The following ATP10B variants were observed in gnomAD, a reference collection of about 807,000 sequenced individuals.
The protein encoded by ATP10B is phospholipid-transporting ATPase VB.
A neutral mutation model predicts 141.2 loss-of-function variants in ATP10B; 122 were observed. The observed-to-expected ratio is 0.86, with a 90% CI of 0.75 to 1.00. The LOEUF (loss-of-function observed/expected upper bound fraction) is 1.00. Ranked by LOEUF, ATP10B falls within the 50% of genes least tolerant of loss-of-function variation. The pLI, the probability that ATP10B is intolerant of heterozygous loss-of-function variation, is 0.00. For synonymous variants in ATP10B, 685 were observed against 692.0 expected (o/e 0.99, Z 0.16); for missense variants, 1,876 against 1,825.3 (o/e 1.03, Z -0.51).
At chr5:160,752,910 C>T (rs933558631) in intron 2 of ATP10B, among the ~76,000 whole-genome samples, 3 of 152,106 alleles carry the variant, frequency 2.0e-5, no homozygotes, top group African/African-American at 4.8e-5. Context: ...GATAGCCAAA[C>T]TTTACTAGCT....
chr5:160,721,035 ATGTG>A (rs929244909), intron 2 of ATP10B, among the ~76,000 whole-genome samples: 4 of 151,570 alleles, frequency 2.6e-5, no homozygotes, highest in South Asian at 4.2e-4. Flanking sequence ...GTATGTGCAT[ATGTG>A]TGTGTGTGTG....
intron 1 of ATP10B, among the ~76,000 whole-genome samples, chr5:160,802,194 G>A (rs1772420308): frequency 6.6e-6 from 1 of 152,168 alleles, no homozygotes; most frequent in Admixed American, 6.5e-5. Flanking sequence ...GGGCATAAAA[G>A]CCTAACATAA....
At chr5:160,592,668 A>T (rs551149191) in intron 22 of ATP10B, among the ~76,000 whole-genome samples, 1 of 152,362 alleles carries the variant, frequency 6.6e-6, no homozygotes, top group Admixed American at 6.5e-5. Flanking sequence ...AGTCAAAGAA[A>T]GGGGTGACAG....
chr5:160,920,053 G>A, the ATP10B span, among the ~76,000 whole-genome samples: 2 of 152,242 alleles, frequency 1.3e-5, no homozygotes, highest in African/African-American at 2.4e-5. Flanking sequence ...GTACTGAGAT[G>A]CTTAAAGCAA....
chr5:160,915,532 G>A, the ATP10B span, among the ~76,000 whole-genome samples: 15 of 152,132 alleles, frequency 9.9e-5, no homozygotes, highest in South Asian at 6.2e-4. Context: ...GGGTTTTACC[G>A]TGTTGGCCAG....
At chr5:160,610,000 C>G (rs72816400) in intron 18 of ATP10B, among the ~76,000 whole-genome samples, 3,479 of 152,222 alleles carry the variant, frequency 0.023, 68 homozygotes, top group Non-Finnish European at 0.031. Context: ...ACAATAATTA[C>G]CATTCACTGA....
chr5:160,704,042 C>T (rs1361715573), intron 3 of ATP10B, among the ~76,000 whole-genome samples: 1 of 152,118 alleles, frequency 6.6e-6, no homozygotes, highest in Non-Finnish European at 1.5e-5. Context: ...GAGTTCAGTG[C>T]CATGATCACA....
At chr5:160,896,294 A>G in the ATP10B span, among the ~76,000 whole-genome samples, 3 of 152,114 alleles carry the variant, frequency 2.0e-5, no homozygotes, top group Non-Finnish European at 4.4e-5. Flanking sequence ...GATTAACAAA[A>G]TAGACCACTA....
chr5:160,664,859 A>G (rs775963519), intron 7 of ATP10B, among the ~76,000 whole-genome samples: 5 of 152,228 alleles, frequency 3.3e-5, no homozygotes, highest in Admixed American at 6.5e-5. Flanking sequence ...TTTGGCTTAG[A>G]TAACTGTTAC....
intron 1 of ATP10B, among the ~76,000 whole-genome samples, chr5:160,811,374 C>A (rs1304751057): frequency 6.6e-6 from 1 of 152,056 alleles, no homozygotes; most frequent in Non-Finnish European, 1.5e-5. Context: ...CAAGTGGGTT[C>A]TTGGGGTCCC....
rs763452335 is a variant in ATP10B at position 160,617,916 on chromosome 5, T to G, written c.2474A>C (p.His825Pro). 6.2e-7 allele frequency: 1 copy of G among 1,614,226 alleles called. No individual in the cohort carries two copies. ...LRKIRARTQK[H>P]LDLYARDGLR... Reference sequence around the variant, plus strand: ...GCCATCTCTTGCATACAAGTCTAGATGCTTTTGGGTCCGGGCTCGGATTTT... The same window carrying G: ...GCCATCTCTTGCATACAAGTCTAGAGGCTTTTGGGTCCGGGCTCGGATTTT... Residue 825 changes from histidine to proline, a missense_variant, in exon 16 of 26, where the codon CAT (histidine) becomes CCT (proline). Transcript: ENST00000327245.
chr5:160,798,433 C>A (rs1772114855), intron 1 of ATP10B, among the ~76,000 whole-genome samples: 1 of 152,076 alleles, frequency 6.6e-6, no homozygotes, highest in Non-Finnish European at 1.5e-5. Context: ...AAAACAGATG[C>A]AGAGACAAAG....
At chr5:160,653,992 G>T (rs1761271862) in intron 7 of ATP10B, among the ~76,000 whole-genome samples, 3 of 137,074 alleles carry the variant, frequency 2.2e-5, no homozygotes, top group Admixed American at 7.3e-5. Context: ...ATAAATATAT[G>T]TTGTATATAC....
chr5:160,846,337 C>G (rs766181181), intron 1 of ATP10B, among the ~76,000 whole-genome samples: 19 of 152,250 alleles, frequency 1.2e-4, no homozygotes, highest in Middle Eastern at 3.4e-3. Context: ...GAACTATATA[C>G]TAGTCATTCA....
intron 7 of ATP10B, among the ~76,000 whole-genome samples, chr5:160,669,538 T>C (rs918368646): frequency 2.1e-4 from 31 of 149,578 alleles, no homozygotes; most frequent in Non-Finnish European, 8.9e-5. Context: ...TATGAAAGGG[T>C]GGGGATTAAA....
In ATP10B at chr5:160,716,991, G is replaced by A. The variant is rs1765702883; in HGVS notation, c.-287C>T. On this transcript the variant is annotated 5_prime_UTR_variant, in exon 3 of 26. Transcript: ENST00000327245. ...GCCACAGGAAGAGGGGGCAGATGTA[G>A]TACTTTAGCTGGGCAAATTGTTGAT... 7 of 985,288 alleles carry A rather than the reference G, an allele frequency of 7.1e-6. No homozygotes were observed. Among genetic ancestry groups the A allele is most frequent in the Non-Finnish European group, 7.2e-6 (6 of 829,910 alleles). 61.0% of individuals were successfully genotyped at this position (985,288 alleles called of 1,614,324 possible). A position where few individuals can be genotyped will look rare whatever the true frequency, so the allele number is the denominator to read the frequency against.
chr5:160,706,342 G>T (rs1027545915), intron 3 of ATP10B, among the ~76,000 whole-genome samples: 2 of 152,172 alleles, frequency 1.3e-5, no homozygotes, highest in Non-Finnish European at 2.9e-5. Flanking sequence ...TGCAATAAAG[G>T]AAGTTCAATG....
chr5:160,912,038 C>G, the ATP10B span, among the ~76,000 whole-genome samples: 1 of 151,804 alleles, frequency 6.6e-6, no homozygotes, highest in Non-Finnish European at 1.5e-5. Flanking sequence ...TACTAAGGAG[C>G]TTGCACTCCA....
In ATP10B at chr5:160,616,055, C is replaced by T. The variant is rs868278385; in HGVS notation, c.2527-91G>A. ...CCCACCTGCTGGGTCTCCTATTGGC[C>T]TGTTTGAACTTCCCTACATAATTAG... On this transcript the variant is annotated intron_variant, in intron 16 of 25. Coordinates refer to ENST00000327245, the MANE Select transcript of ATP10B (RefSeq NM_025153.3). 2.1e-5 allele frequency: 29 copies of T among 1,413,656 alleles called. No individual in the cohort carries two copies. The African/African-American group carries it at 3.2e-4, about 15-fold the overall frequency. 87.6% of individuals were successfully genotyped at this position (1,413,656 alleles called of 1,614,324 possible).
Sources: allele counts gnomAD v4.1 joint callset (sites outside exome capture counted in the v4.1 genomes callset), GRCh38; gene constraint gnomAD v4.1.1; transcripts MANE v1.5; gene names NCBI Gene and HGNC (gene_info 2026-07-23, HGNC 2026-07-21).